PRR5L: variants seen among roughly 807,000 people sequenced by gnomAD.
PRR5L encodes the protein proline rich 5 like, also known as proline-rich protein 5-like.
Under a neutral mutation model 36.4 loss-of-function variants are expected in PRR5L, and 21 were observed. The ratio of observed to expected loss-of-function variants is 0.58; its 90% CI spans 0.41 to 0.83. The LOEUF is 0.83. Ranked by LOEUF, PRR5L falls within the 40% of genes least tolerant of loss-of-function variation. The pLI is 0.00. For missense variants in PRR5L, 381 were observed against 473.3 expected, an observed-to-expected ratio of 0.80 and a Z score of 1.81; for synonymous variants, 188 against 197.0, an observed-to-expected ratio of 0.95 and a Z score of 0.38.
chr11:36,447,062 G>A (rs1858846077), intron 7 of PRR5L, among the ~76,000 whole-genome samples: 1 of 152,230 alleles, frequency 6.6e-6, no homozygotes, highest in South Asian at 2.1e-4. Flanking sequence ...ACTGCCCAGT[G>A]GCTGCCTAGT....
At chr11:36,319,055 G>T (rs1856587631) in intron 1 of PRR5L, among the ~76,000 whole-genome samples, 4 of 152,086 alleles carry the variant, frequency 2.6e-5, no homozygotes, top group Admixed American at 2.0e-4. Context: ...GAATAAAATG[G>T]ATTATTAACT....
intron 2 of PRR5L, among the ~76,000 whole-genome samples, chr11:36,402,455 C>A (rs1191204157): frequency 6.6e-6 from 1 of 152,186 alleles, no homozygotes; most frequent in Non-Finnish European, 1.5e-5. Flanking sequence ...GTTGGCCAGA[C>A]TGGTCTCGAA....
intron 1 of PRR5L, among the ~76,000 whole-genome samples, chr11:36,390,598 C>T (rs1264249681): frequency 6.6e-6 from 1 of 152,160 alleles, no homozygotes; most frequent in African/African-American, 2.4e-5. Flanking sequence ...CACCTGCCTT[C>T]TGGTGGTTGT....
At chr11:36,325,368 C>CGGCAGTGGTGGACGGGGAGCGAAA (rs1446508772) in intron 1 of PRR5L, among the ~76,000 whole-genome samples, 9 of 152,220 alleles carry the variant, frequency 5.9e-5, no homozygotes, top group Non-Finnish European at 1.3e-4. Context: ...CGGTAGCAAA[C>CGGCAGTGGTGGACGGGGAGCGAAA]GGCAGTGGTG....
At chr11:36,307,459 C>G (rs1302872025) in intron 1 of PRR5L, among the ~76,000 whole-genome samples, 2 of 152,202 alleles carry the variant, frequency 1.3e-5, no homozygotes, top group African/African-American at 4.8e-5. Flanking sequence ...GAGGTTGATT[C>G]AGCAGCTCAG....
chr11:36,319,037 CTGAT>C (rs1458795230), intron 1 of PRR5L, among the ~76,000 whole-genome samples: 2 of 151,944 alleles, frequency 1.3e-5, no homozygotes, highest in Admixed American at 1.3e-4. Context: ...TTTTTCTCTC[CTGAT>C]TGGGAATAAA....
chr11:36,455,885 C>CG (rs1210021721), intron 8 of PRR5L, among the ~76,000 whole-genome samples: 2 of 152,170 alleles, frequency 1.3e-5, no homozygotes, highest in African/African-American at 4.8e-5. Context: ...GCTGTCTGCC[C>CG]GGGGGACTCA....
At chr11:36,300,350 A>G (rs1251713754) in intron 1 of PRR5L, among the ~76,000 whole-genome samples, 1 of 152,020 alleles carries the variant, frequency 6.6e-6, no homozygotes, top group African/African-American at 2.4e-5. Flanking sequence ...CTCTTTTTAA[A>G]TGACCAGCTT....
intron 1 of PRR5L, among the ~76,000 whole-genome samples, chr11:36,385,801 C>A (rs966285047): frequency 1.3e-5 from 2 of 152,356 alleles, no homozygotes; most frequent in African/African-American, 4.8e-5. Context: ...GGCACTTCTG[C>A]TCTGCTATGT....
At chr11:36,360,703 C>T (rs144434665) in intron 1 of PRR5L, among the ~76,000 whole-genome samples, 20 of 152,324 alleles carry the variant, frequency 1.3e-4, no homozygotes, top group Middle Eastern at 3.4e-3. Flanking sequence ...TTATGATATA[C>T]ACCCAGGGGG....
Position 36,462,665 on chromosome 11 carries a change from C to G in PRR5L, c.1036C>G (p.Pro346Ala), listed in dbSNP as rs749021854. Residue 346 changes from proline (P) to alanine (A), a missense_variant, in exon 9 of 9, where the codon CCT becomes GCT. Pro to Ala is a conservative substitution (Grantham distance 27, BLOSUM62 -1). Coordinates refer to ENST00000530639, the MANE Select transcript of PRR5L (RefSeq NM_001160167.2). ...CSSEPNITDN[P>A]DGLEEGARGS... ...CAGTGAGCCCAACATCACTGACAAC[C>G]CTGACGGACTGGAGGAGGGGGCCAG... 1 of 1,609,690 alleles carries G rather than the reference C, an allele frequency of 6.2e-7. No individual in the cohort carries two copies. The highest frequency in any genetic ancestry group is 8.5e-7 in the Non-Finnish European group (1 of 1,178,704).
At chr11:36,391,324 C>T (rs1857560936) in intron 1 of PRR5L, among the ~76,000 whole-genome samples, 1 of 152,230 alleles carries the variant, frequency 6.6e-6, no homozygotes, top group African/African-American at 2.4e-5. Flanking sequence ...CCCACTGCCC[C>T]AGCAGGCAGG....
chr11:36,419,029 C>A lies in PRR5L; in HGVS notation c.246-226C>A, dbSNP rs546848267. ...AGGATTTCCTTTGGCCAGCTGCCCT[C>A]TTCACAGTGCTACTTTCTCAGAGTG... On this transcript the variant is annotated intron_variant, in intron 3 of 8. Transcript: ENST00000530639. Among the ~76,000 whole-genome samples the A allele has an allele frequency of 3.3e-4, 50 of 152,292 alleles. No homozygotes were observed. The South Asian group carries it at 5.0e-3, about 15-fold the overall frequency.
At chr11:36,369,753 C>T (rs1390735453) in intron 1 of PRR5L, among the ~76,000 whole-genome samples, 1 of 152,114 alleles carries the variant, frequency 6.6e-6, no homozygotes, top group Non-Finnish European at 1.5e-5. Flanking sequence ...TGCCACCATG[C>T]CTGGCTAATT....
rs189876880 is a variant in PRR5L, at chr11:36,436,810, G to A, written c.353-575G>A. On this transcript the variant is annotated intron_variant, in intron 5 of 8. Transcript: ENST00000530639. ...GGCCTCTCTGAGCCTGTAAAGCGGG[G>A]GTATTAGAGTCTAGTCATGAGATAT... is the stretch of plus-strand genomic sequence containing the variant. Among the ~76,000 whole-genome samples, 4 of 152,254 alleles carry A rather than the reference G, an allele frequency of 2.6e-5. No individual in the cohort carries two copies. The East Asian group carries it at 7.7e-4, about 29-fold the overall frequency.
chr11:36,432,002 G>A, intron 5 of PRR5L, 92 bp downstream of exon 5: 1 of 1,121,626 alleles, frequency 8.9e-7, no homozygotes, highest in South Asian at 1.3e-5. Flanking sequence ...GAAGGGGCAG[G>A]CTCCAAGCGA....
intron 3 of PRR5L, among the ~76,000 whole-genome samples, chr11:36,408,042 G>T (rs942191691): frequency 2.0e-5 from 3 of 152,176 alleles, no homozygotes; most frequent in Non-Finnish European, 4.4e-5. Context: ...GAGAGGCCAA[G>T]GCAGGTGGAT....
At chr11:36,329,826 C>T (rs144939494) in intron 1 of PRR5L, among the ~76,000 whole-genome samples, 1 of 152,284 alleles carries the variant, frequency 6.6e-6, no homozygotes, top group African/African-American at 2.4e-5. Context: ...TCAAAACATA[C>T]AGTTTCCTGA....
At chr11:36,442,462 C>T (rs963882363) in intron 6 of PRR5L, among the ~76,000 whole-genome samples, 1 of 152,134 alleles carries the variant, frequency 6.6e-6, no homozygotes, top group African/African-American at 2.4e-5. Flanking sequence ...CTGCCTCAGC[C>T]TCCCAAGTAG....
Sources: gnomAD v4.1 joint callset for allele counts (sites outside exome capture counted in the v4.1 genomes callset) on GRCh38, gnomAD v4.1.1 for gene constraint, MANE v1.5 for transcripts, NCBI Gene and HGNC (gene_info 2026-07-23, HGNC 2026-07-21) for gene names.